The following KLF12 variants were observed in gnomAD, a reference collection of about 807,000 sequenced individuals.
KLF12 encodes the protein Krueppel-like factor 12.
Under a neutral mutation model 37.8 loss-of-function variants are expected in KLF12, and 9 were observed. The observed-to-expected ratio is 0.24, with a 90% CI of 0.14 to 0.42. The LOEUF is 0.42. Among genes scored for constraint, KLF12 ranks in the 10% least tolerant of loss-of-function variants. KLF12 has a pLI of 1.00. For synonymous variants in KLF12, 208 were observed against 202.1 expected (o/e 1.03, Z -0.25); for missense variants, 411 against 516.0 (o/e 0.80, Z 1.97).
intron 3 of KLF12, among the ~76,000 whole-genome samples, chr13:73,929,028 C>G (rs1275431192): frequency 1.3e-5 from 2 of 152,192 alleles, no homozygotes; most frequent in East Asian, 3.9e-4. Flanking sequence ...TCCCTCATAA[C>G]TCACACCATT....
Position 73,688,056 on chromosome 13 carries a change from A to G in KLF12, c.*7434T>C, listed in dbSNP as rs1873598140. 2.0e-5 allele frequency: 3 copies of G among 152,614 alleles called. No homozygotes were observed. Among genetic ancestry groups the G allele is most frequent in the Admixed American group, 2.0e-4 (3 of 15,282 alleles). 9.5% of individuals were successfully genotyped at this position (152,614 alleles called of 1,614,324 possible). ...AAGAGAATTTGTTTATACAGCTTCTATCTCTTTCCCCAGCCAAGTAACAGG... is the reference window on the plus strand; with the variant it reads ...AAGAGAATTTGTTTATACAGCTTCTGTCTCTTTCCCCAGCCAAGTAACAGG... On this transcript the variant is annotated 3_prime_UTR_variant, in exon 8 of 8. Coordinates refer to ENST00000377669, the MANE Select transcript of KLF12 (RefSeq NM_007249.5).
At chr13:74,019,979 C>T (rs2138417028) in intron 1 of KLF12, among the ~76,000 whole-genome samples, 1 of 152,306 alleles carries the variant, frequency 6.6e-6, no homozygotes, top group Middle Eastern at 3.4e-3. Flanking sequence ...ACTGAAATCC[C>T]ATGGCCTGTG....
At chr13:74,301,874 T>G in the KLF12 span, among the ~76,000 whole-genome samples, 1 of 152,222 alleles carries the variant, frequency 6.6e-6, no homozygotes, top group Non-Finnish European at 1.5e-5. Flanking sequence ...GAGCTGCCCG[T>G]GTTAAATGAC....
Position 73,695,300 on chromosome 13 carries a change from T to G in KLF12, c.*190A>C. On this transcript the variant is annotated 3_prime_UTR_variant, in exon 8 of 8. Transcript: ENST00000377669. ...AGCTCCCAGGCCCGGGTAAAGACGG[T>G]TCTCGTCTAGTCATGATGGGGGTTA... is the stretch of plus-strand genomic sequence containing the variant. 2 of 577,632 alleles carry G rather than the reference T, an allele frequency of 3.5e-6. No homozygotes were observed. Among genetic ancestry groups the G allele is most frequent in the Non-Finnish European group, 6.1e-6 (2 of 329,278 alleles). 35.8% of individuals were successfully genotyped at this position (577,632 alleles called of 1,614,324 possible).
chr13:73,811,847 C>T (rs1046456059), intron 5 of KLF12, among the ~76,000 whole-genome samples: 7 of 152,134 alleles, frequency 4.6e-5, no homozygotes, highest in African/African-American at 1.7e-4. Flanking sequence ...ATCTCTATAA[C>T]ATAGATATAT....
chr13:74,020,761 T>G (rs1042197027), intron 1 of KLF12, among the ~76,000 whole-genome samples: 12 of 151,960 alleles, frequency 7.9e-5, no homozygotes, highest in Non-Finnish European at 1.6e-4. Flanking sequence ...CATGATGGCG[T>G]GTGCCTGTAG....
the KLF12 span, among the ~76,000 whole-genome samples, chr13:74,213,419 T>A: frequency 6.6e-6 from 1 of 152,210 alleles, no homozygotes; most frequent in Admixed American, 6.5e-5. Context: ...AATTCTTGTT[T>A]ATTTTTGCTT....
chr13:74,169,212 A>G, the KLF12 span, among the ~76,000 whole-genome samples: 905 of 152,344 alleles, frequency 5.9e-3, 11 homozygotes, highest in African/African-American at 0.021. Context: ...ATGATATTAT[A>G]ATATTTAGAA....
chr13:73,815,121 C>A (rs1158296992), intron 4 of KLF12, among the ~76,000 whole-genome samples: 1 of 151,856 alleles, frequency 6.6e-6, no homozygotes, highest in Non-Finnish European at 1.5e-5. Context: ...TCATTAAGAG[C>A]TTTTGAATAT....
the KLF12 span, among the ~76,000 whole-genome samples, chr13:74,268,603 C>T: frequency 2.6e-4 from 40 of 152,212 alleles, no homozygotes; most frequent in South Asian, 2.1e-3. Flanking sequence ...TAGGAGTTCT[C>T]CTTATGAGAT....
chr13:74,177,261 C>G, the KLF12 span, among the ~76,000 whole-genome samples: 1 of 152,124 alleles, frequency 6.6e-6, no homozygotes, highest in Non-Finnish European at 1.5e-5. Flanking sequence ...AATAGAAGGT[C>G]TTCTGAGAGG....
chr13:73,859,408 C>T (rs1021527408), intron 3 of KLF12, among the ~76,000 whole-genome samples: 1 of 152,150 alleles, frequency 6.6e-6, no homozygotes, highest in Non-Finnish European at 1.5e-5. Flanking sequence ...AAGACTGAAT[C>T]CACCTCCCCA....
At chr13:73,827,482 G>C (rs2138553060) in intron 4 of KLF12, among the ~76,000 whole-genome samples, 1 of 152,206 alleles carries the variant, frequency 6.6e-6, no homozygotes, top group East Asian at 1.9e-4. Flanking sequence ...CCAAATACAA[G>C]ATTGAGCATG....
chr13:73,962,387 T>C (rs564295656), intron 2 of KLF12, among the ~76,000 whole-genome samples: 14 of 152,226 alleles, frequency 9.2e-5, no homozygotes, highest in Non-Finnish European at 5.9e-5. Flanking sequence ...AAACTATTTT[T>C]ATGAGACTAT....
chr13:74,179,837 C>T, the KLF12 span, among the ~76,000 whole-genome samples: 1 of 152,172 alleles, frequency 6.6e-6, no homozygotes, highest in Admixed American at 6.5e-5. Flanking sequence ...TGTACAACAA[C>T]CCGTACTTTC....
intron 2 of KLF12, among the ~76,000 whole-genome samples, chr13:73,965,745 C>T (rs1348430176): frequency 6.6e-6 from 1 of 152,122 alleles, no homozygotes; most frequent in Admixed American, 6.6e-5. Context: ...TTAAAATTTC[C>T]CACTCTCACC....
chr13:73,778,671 A>C (rs1430587471), intron 5 of KLF12, among the ~76,000 whole-genome samples: 2 of 152,114 alleles, frequency 1.3e-5, no homozygotes, highest in Non-Finnish European at 2.9e-5. Flanking sequence ...GGCCTGTGCT[A>C]AGAGTTTCAC....
chr13:74,090,582 G>T (rs1282835951), intron 1 of KLF12, among the ~76,000 whole-genome samples: 1 of 151,766 alleles, frequency 6.6e-6, no homozygotes, highest in Admixed American at 6.6e-5. Context: ...GTTTTAATTT[G>T]CATTTCCCTG....
chr13:74,117,419 A>G (rs1188859679), intron 1 of KLF12, among the ~76,000 whole-genome samples: 1 of 152,224 alleles, frequency 6.6e-6, no homozygotes, highest in East Asian at 1.9e-4. Flanking sequence ...ACACAGTATT[A>G]GCTTATGACT....
Sources: allele counts gnomAD v4.1 joint callset (sites outside exome capture counted in the v4.1 genomes callset), GRCh38; gene constraint gnomAD v4.1.1; transcripts MANE v1.5; gene names NCBI Gene and HGNC (gene_info 2026-07-23, HGNC 2026-07-21).